PDPK1: variants seen among roughly 807,000 people sequenced by gnomAD.
The protein encoded by PDPK1 is 3-phosphoinositide-dependent protein kinase 1.
In PDPK1, 7 loss-of-function variants were observed where a neutral mutation model predicts 39.8. The ratio of observed to expected loss-of-function variants is 0.18; its 90% CI spans 0.10 to 0.33. The LOEUF (loss-of-function observed/expected upper bound fraction) is 0.33, where lower values mean the gene tolerates loss of function less well. Among genes scored for constraint, PDPK1 ranks in the 10% least tolerant of loss-of-function variants. The pLI is 1.00. For missense variants in PDPK1, 182 were observed against 384.7 expected, an observed-to-expected ratio of 0.47 and a Z score of 4.41; for synonymous variants, 118 against 159.1, an observed-to-expected ratio of 0.74 and a Z score of 1.95.
chr16:2,538,878 A>G, intron 1 of PDPK1: 1 of 736,468 alleles, frequency 1.4e-6, no homozygotes, highest in South Asian at 1.8e-5. Context: ...CGCTAAAAGT[A>G]TCCCTCGTGT....
rs745656894 is a variant in PDPK1, at chr16:2,586,595, C to T, written c.1126-81C>T. ...TGTGCGAGCTCCCAAGGCCTGACAG[C>T]GGCAGTGCGGGAGGGGCTGGGGTTT... On this transcript the variant is annotated intron_variant, in intron 10 of 13. Transcript: ENST00000342085. 1.3e-5 allele frequency: 16 copies of T among 1,230,662 alleles called. No homozygotes were observed. In the African/African-American group the frequency reaches 1.3e-4, roughly 10 times the overall value. The allele number at this position is 1,230,662 out of a possible 1,614,324, so 76.2% of individuals were successfully genotyped here.
chr16:2,588,609 C>T (rs1383018265), intron 11 of PDPK1, among the ~76,000 whole-genome samples: 3 of 152,184 alleles, frequency 2.0e-5, no homozygotes, highest in Non-Finnish European at 2.9e-5. Flanking sequence ...TCAGGATACA[C>T]ATTCTCCTGC....
At chr16:2,545,934 G>A (rs983957318) in intron 1 of PDPK1, among the ~76,000 whole-genome samples, 2 of 152,058 alleles carry the variant, frequency 1.3e-5, no homozygotes, top group Non-Finnish European at 2.9e-5. Flanking sequence ...ACAGCAACCT[G>A]GCCAGCATTT....
intron 1 of PDPK1, among the ~76,000 whole-genome samples, chr16:2,545,833 T>A (rs1178100894): frequency 3.3e-5 from 5 of 152,054 alleles, no homozygotes; most frequent in Non-Finnish European, 5.9e-5. Context: ...ACAGATGGGG[T>A]CTCGCTTTGT....
At position 2,598,551 on chromosome 16, in the gene PDPK1, G is replaced by C. The variant is rs1597080988; in HGVS notation, c.*784G>C. On this transcript the variant is annotated 3_prime_UTR_variant, in exon 14 of 14. Transcript: ENST00000342085. ...TGGAAGCCGAGCGCATGCTGGGAGC[G>C]GTACTGTCAGAAGTGAGCCCAGTTA... is the stretch of plus-strand genomic sequence containing the variant. 1 of 233,366 alleles carries C rather than the reference G, an allele frequency of 4.3e-6. No individual in the cohort carries two copies. Among genetic ancestry groups the C allele is most frequent in the Non-Finnish European group, 8.5e-6 (1 of 118,214 alleles). 14.5% of individuals were successfully genotyped at this position (233,366 alleles called of 1,614,324 possible). A position where few individuals can be genotyped will look rare whatever the true frequency, so the allele number is the denominator to read the frequency against.
intron 1 of PDPK1, chr16:2,539,077 GCT>G: frequency 1.1e-5 from 2 of 174,052 alleles, no homozygotes; most frequent in South Asian, 7.7e-5. Flanking sequence ...CCAGGATGCG[GCT>G]TTTTTTTTTT....
intron 1 of PDPK1, among the ~76,000 whole-genome samples, chr16:2,546,834 T>G (rs888039884): frequency 6.6e-6 from 1 of 151,946 alleles, no homozygotes; most frequent in Admixed American, 6.6e-5. Context: ...TGCAGCTATA[T>G]CCGCAGGATG....
intron 11 of PDPK1, 68 bp from the exon 12 acceptor site, chr16:2,595,725 A>C (rs2067087748): frequency 7.9e-7 from 1 of 1,260,336 alleles, no homozygotes; most frequent in Non-Finnish European, 1.2e-6. Flanking sequence ...TTCGTGTGGC[A>C]GGAGGAGCGT....
chr16:2,546,831 A>G (rs541536648), intron 1 of PDPK1, among the ~76,000 whole-genome samples: 19 of 152,064 alleles, frequency 1.2e-4, no homozygotes, highest in South Asian at 8.3e-4. Flanking sequence ...AGCTGCAGCT[A>G]TATCCGCAGG....
At chr16:2,552,187 G>A (rs1314155809) in intron 1 of PDPK1, among the ~76,000 whole-genome samples, 1 of 149,070 alleles carries the variant, frequency 6.7e-6, no homozygotes, top group African/African-American at 2.5e-5. Context: ...GCACAGACTG[G>A]TCTTGGACTC....
At chr16:2,577,927 C>T (rs1361158326) in intron 7 of PDPK1, among the ~76,000 whole-genome samples, 1 of 147,816 alleles carries the variant, frequency 6.8e-6, no homozygotes, top group African/African-American at 2.6e-5. Flanking sequence ...TTGGTAGAGA[C>T]GGGGTTTCAC....
In PDPK1 at chr16:2,538,111, C is replaced by T; in HGVS notation, c.-2C>T. 9.4e-7 allele frequency: 1 copy of T among 1,065,028 alleles called. No individual in the cohort carries two copies. The highest frequency in any genetic ancestry group is 1.1e-6 in the Non-Finnish European group (1 of 880,716). The allele number at this position is 1,065,028 out of a possible 1,614,324, so 66.0% of individuals were successfully genotyped here. On this transcript the variant is annotated 5_prime_UTR_variant, in exon 1 of 14. Coordinates refer to ENST00000342085, the MANE Select transcript of PDPK1 (RefSeq NM_002613.5). ...GGAGGCGCCCGCGCCGACGCGGGGCCCATGGCCAGGACCACCAGCCAGCTG... is the reference window on the plus strand; with the variant it reads ...GGAGGCGCCCGCGCCGACGCGGGGCTCATGGCCAGGACCACCAGCCAGCTG...
intron 6 of PDPK1, among the ~76,000 whole-genome samples, chr16:2,573,738 A>G (rs1330061082): frequency 9.4e-5 from 12 of 127,824 alleles, no homozygotes; most frequent in Non-Finnish European, 1.3e-4. Context: ...TCTCGGGAAG[A>G]AAAAAAAAAA....
At position 2,551,659 on chromosome 16, in the gene PDPK1, C is replaced by CTT. The variant is rs1174322765; in HGVS notation, c.25-6026_25-6025dup. On this transcript the variant is annotated intron_variant, in intron 1 of 13. Transcript: ENST00000342085. ...CCATAGGAGGCGCCCTGATTTCCATCTTTTTTTTTTTTTTTTTTTGTTTTT... is the reference window on the plus strand; with the variant it reads ...CCATAGGAGGCGCCCTGATTTCCATCTTTTTTTTTTTTTTTTTTTTTGTTTTT... 7.5e-4 allele frequency among the ~76,000 whole-genome samples: 100 copies of CTT among 132,938 alleles called. 1 individual carries two copies. Among genetic ancestry groups the CTT allele is most frequent in the South Asian group, 5.0e-3 (20 of 4,040 alleles). 87.2% of individuals were successfully genotyped at this position (132,938 alleles called of 152,430 possible).
Position 2,595,869 on chromosome 16 carries a change from C to T in PDPK1, c.1401+19C>T, listed in dbSNP as rs779859162. 20 of 1,600,216 alleles carry T rather than the reference C, an allele frequency of 1.2e-5. No homozygotes were observed. Among genetic ancestry groups the T allele is most frequent in the Non-Finnish European group, 1.6e-5 (19 of 1,167,296 alleles). ...GCGGAAGGTGAGTGGTCAGTGGTCC[C>T]GCTGCTCCGCACGGACACCTGCATC... On this transcript the variant is annotated intron_variant, in intron 12 of 13. Transcript: ENST00000342085.
chr16:2,547,216 C>A (rs2066366548), intron 1 of PDPK1, among the ~76,000 whole-genome samples: 3 of 148,918 alleles, frequency 2.0e-5, no homozygotes, highest in Admixed American at 2.0e-4. Flanking sequence ...TGCTCATTTC[C>A]CCCCATGTGG....
chr16:2,596,064 C>T (rs1021464461), intron 12 of PDPK1, among the ~76,000 whole-genome samples: 1 of 152,234 alleles, frequency 6.6e-6, no homozygotes, highest in African/African-American at 2.4e-5. Flanking sequence ...CAGAAGCAAC[C>T]GCCCACACTC....
intron 1 of PDPK1, among the ~76,000 whole-genome samples, chr16:2,542,489 G>A (rs1461817690): frequency 6.6e-6 from 1 of 152,156 alleles, no homozygotes; most frequent in African/African-American, 2.4e-5. Context: ...GGATTATACA[G>A]GGACCCACAG....
rs1378928701 is a variant in PDPK1 at position 2,595,846 on chromosome 16, G to A, written c.1397G>A (p.Arg466Gln). ...LILKMGPVDK[R>Q]KGLFARRRQL... is the part of the protein sequence containing the mutation. ...CTAAAGATGGGCCCAGTGGATAAGC[G>A]GAAGGTGAGTGGTCAGTGGTCCCGC... The change falls in exon 12 of 14, where the codon CGG (arginine) becomes CAG (glutamine). Residue 466 changes from arginine (R) to glutamine (Q), a missense_variant. Physicochemically the swap from Arg to Gln is conservative, Grantham distance 43. Around this residue, in one of 5 missense-constraint regions of PDPK1, gnomAD observed 90 missense variants for 111.9 expected, o/e 0.80. Transcript: ENST00000342085. 2.5e-6 allele frequency: 4 copies of A among 1,612,752 alleles called. No homozygotes were observed. Among genetic ancestry groups the A allele is most frequent in the Admixed American group, 1.7e-5 (1 of 60,010 alleles).
Sources: gnomAD v4.1 joint callset for allele counts (sites outside exome capture counted in the v4.1 genomes callset) on GRCh38, gnomAD v4.1.1 for gene constraint, gnomAD v4.1.1 regional missense constraint, MANE v1.5 for transcripts, NCBI Gene and HGNC (gene_info 2026-07-23, HGNC 2026-07-21) for gene names.